Variants in UBXN4 observed in about 807,000 individuals in gnomAD.
UBXN4 encodes the protein UBX domain-containing protein 4.
In UBXN4, 35 loss-of-function variants were observed where a neutral mutation model predicts 66.2. The ratio of observed to expected loss-of-function variants is 0.53; its 90% CI spans 0.40 to 0.70. The LOEUF is 0.70. UBXN4 is among the 30% of genes least tolerant of loss of function. UBXN4 has a pLI of 0.00. For missense variants in UBXN4, 533 were observed against 599.8 expected, an observed-to-expected ratio of 0.89 and a Z score of 1.16; for synonymous variants, 203 against 204.5, an observed-to-expected ratio of 0.99 and a Z score of 0.06.
chr2:135,742,854 C>T (rs1364795657), intron 1 of UBXN4: 1 of 151,966 alleles, frequency 6.6e-6, no homozygotes, highest in Non-Finnish European at 1.5e-5. Context: ...ACGTTCAGTC[C>T]TTGGTTTCTT....
chr2:135,742,062 C>T lies in UBXN4; in HGVS notation c.82+51C>T, dbSNP rs2077177784. The T allele has an allele frequency of 3.8e-6, 6 of 1,592,564 alleles. No homozygotes were observed. The East Asian group carries it at 6.8e-5, about 18-fold the overall frequency. ...CGGCCGGGACACCCCTCCGGCCTAC[C>T]TTCATCCTCTTGTATACCTCAGCCG... On this transcript the variant is annotated intron_variant, in intron 1 of 12. Coordinates refer to ENST00000272638, the MANE Select transcript of UBXN4 (RefSeq NM_014607.4).
chr2:135,782,704 T>C (rs747641956), intron 12 of UBXN4, 45 bp from the exon 13 acceptor site: 7 of 1,596,216 alleles, frequency 4.4e-6, no homozygotes, highest in Admixed American at 1.8e-5. Flanking sequence ...TACTATTGTT[T>C]TTATTTTATG....
intron 12 of UBXN4, among the ~76,000 whole-genome samples, chr2:135,781,597 G>C (rs1021626952): frequency 1.1e-4 from 17 of 152,098 alleles, no homozygotes; most frequent in African/African-American, 3.6e-4. Context: ...GGGCTGCTTT[G>C]TCCTTTATCT....
In UBXN4 at chr2:135,753,553, A is replaced by G. The variant is rs1168696628; in HGVS notation, c.200A>G (p.Gln67Arg). Residue 67 changes from glutamine (Q) to arginine (R), a missense_variant, in exon 3 of 13, where the codon CAG (glutamine) becomes CGG (arginine). Gln to Arg is a conservative substitution (Grantham distance 43). Around this residue, in one of 2 missense-constraint regions of UBXN4, gnomAD observed 529 missense variants for 580.1 expected, o/e 0.91. Transcript: ENST00000272638. ...TTGTTTTACAGTGAAGCCTGCCTAC[A>G]GTTTTCACAAATCTGTATCCTTTCA... Reference protein sequence around the residue: ...KIDTKSEACLQFSQIYPVVCV... With the variant: ...KIDTKSEACLRFSQIYPVVCV... The G allele has an allele frequency of 6.5e-7, 1 of 1,529,504 alleles. No homozygotes were observed. Among genetic ancestry groups the G allele is most frequent in the African/African-American group, 1.4e-5 (1 of 69,510 alleles). 94.7% of individuals were successfully genotyped at this position (1,529,504 alleles called of 1,614,324 possible).
intron 8 of UBXN4, among the ~76,000 whole-genome samples, chr2:135,771,482 A>G (rs2077383193): frequency 6.6e-6 from 1 of 152,186 alleles, no homozygotes; most frequent in African/African-American, 2.4e-5. Flanking sequence ...CATCTCAAAA[A>G]AAAGAAAGAA....
chr2:135,769,125 T>A (rs2077366813), intron 6 of UBXN4, among the ~76,000 whole-genome samples: 1 of 152,078 alleles, frequency 6.6e-6, no homozygotes, highest in Non-Finnish European at 1.5e-5. Context: ...CCTTAGCCCC[T>A]AAAGTAGCTG....
intron 12 of UBXN4, among the ~76,000 whole-genome samples, chr2:135,781,107 T>C (rs1399968566): frequency 6.6e-6 from 1 of 152,184 alleles, no homozygotes; most frequent in East Asian, 1.9e-4. Context: ...TGGTCCCAGC[T>C]ACTTGGGAGG....
chr2:135,773,326 C>G (rs1385977847), intron 9 of UBXN4, among the ~76,000 whole-genome samples: 2 of 152,134 alleles, frequency 1.3e-5, no homozygotes, highest in African/African-American at 4.8e-5. Flanking sequence ...TAGCTTCATT[C>G]TTAGAGAAAC....
At chr2:135,762,141 C>G (rs1213666358) in intron 6 of UBXN4, among the ~76,000 whole-genome samples, 1 of 152,062 alleles carries the variant, frequency 6.6e-6, no homozygotes, top group African/African-American at 2.4e-5. Context: ...TCTAAGAATC[C>G]CCTTTTTAAT....
At chr2:135,755,363 A>T (rs139457568) in intron 4 of UBXN4, among the ~76,000 whole-genome samples, 154 bp from the exon 5 acceptor site, 11 of 152,292 alleles carry the variant, frequency 7.2e-5, no homozygotes, top group African/African-American at 2.6e-4. Context: ...TGATTATATC[A>T]TACTTAGGAT....
chr2:135,748,335 A>G lies in UBXN4; in HGVS notation c.151A>G (p.Asn51Asp), dbSNP rs771632258. The G allele has an allele frequency of 4.4e-6, 7 of 1,607,062 alleles. No homozygotes were observed. Among genetic ancestry groups the G allele is most frequent in the Admixed American group, 3.4e-5 (2 of 59,534 alleles). Residue 51 changes from asparagine (N) to aspartate (D), a missense_variant, in exon 2 of 13, where the codon AAC becomes GAC. This residue lies in a region of UBXN4 where 529 missense variants were observed against 580.1 expected (regional missense o/e 0.91). Coordinates refer to ENST00000272638, the MANE Select transcript of UBXN4 (RefSeq NM_014607.4). ...EDDKVTEASS[N>D]SFVAIKIDTK... is the part of the protein sequence containing the mutation. ...TGATAAAGTTACAGAAGCATCTTCA[A>G]ACAGTTTTGTTGCTATTAAAATCGA...
chr2:135,782,889 G>T lies in UBXN4; in HGVS notation c.*2G>T. Reference sequence around the variant, plus strand: ...GGAAATTCCACTCAACAGATGTAGTGTGACAAGTATAATATGTGCAATAAT... The same window carrying T: ...GGAAATTCCACTCAACAGATGTAGTTTGACAAGTATAATATGTGCAATAAT... On this transcript the variant is annotated 3_prime_UTR_variant, in exon 13 of 13. Transcript: ENST00000272638. 1 of 1,611,852 alleles carries T rather than the reference G, an allele frequency of 6.2e-7. No homozygotes were observed. The highest frequency in any genetic ancestry group is 8.5e-7 in the Non-Finnish European group (1 of 1,179,180).
intron 3 of UBXN4, 128 bp downstream of exon 3, chr2:135,753,695 T>C (rs943019888): frequency 1.2e-6 from 1 of 806,632 alleles, no homozygotes; most frequent in Non-Finnish European, 1.8e-6. Flanking sequence ...GGAAACTTTA[T>C]TACTAAGTGT....
chr2:135,742,057 C>G (rs754361817), intron 1 of UBXN4, 46 bp downstream of exon 1: 4 of 1,598,988 alleles, frequency 2.5e-6, no homozygotes, highest in Non-Finnish European at 3.4e-6. Context: ...ACCCCTCCGG[C>G]CTACCTTCAT....
At chr2:135,762,440 A>T (rs1439099347) in intron 6 of UBXN4, among the ~76,000 whole-genome samples, 2 of 152,216 alleles carry the variant, frequency 1.3e-5, no homozygotes, top group Non-Finnish European at 2.9e-5. Context: ...ATTAGTGGTT[A>T]AGCGGGAATA....
chr2:135,755,539 C>A lies in UBXN4; in HGVS notation c.356C>A (p.Thr119Lys). The A allele has an allele frequency of 6.3e-7, 1 of 1,592,224 alleles. No homozygotes were observed. Among genetic ancestry groups the A allele is most frequent in the Non-Finnish European group, 8.6e-7 (1 of 1,168,950 alleles). Residue 119 changes from threonine to lysine, a missense_variant, in exon 5 of 13, where the codon ACA becomes AAA. Coordinates refer to ENST00000272638, the MANE Select transcript of UBXN4 (RefSeq NM_014607.4). The part of the protein sequence containing the change: ...VRQMHLLKSE[T>K]SVANGSQSES... The stretch of plus-strand genomic sequence containing the variant: ...TAGATGCATTTGCTAAAAAGTGAAA[C>A]ATCAGTAGCAAATGGCAGTCAGTCA...
intron 3 of UBXN4, 112 bp from the exon 4 acceptor site, chr2:135,754,028 AATTATTTAATAAATGTTAG>A (rs2077263640): frequency 1.5e-6 from 1 of 688,122 alleles, no homozygotes; most frequent in East Asian, 2.8e-5. Flanking sequence ...CAGTACTTGA[AATTATTTAATAAATGTTAG>A]ATTATATTGT....
intron 6 of UBXN4, among the ~76,000 whole-genome samples, chr2:135,766,092 G>A (rs901283940): frequency 6.6e-6 from 1 of 151,782 alleles, no homozygotes; most frequent in African/African-American, 2.4e-5. Flanking sequence ...CGTAGAGATT[G>A]CAGTGAGCTG....
At chr2:135,743,089 C>G (rs2077187306) in intron 1 of UBXN4, among the ~76,000 whole-genome samples, 1 of 152,146 alleles carries the variant, frequency 6.6e-6, no homozygotes, top group African/African-American at 2.4e-5. Context: ...ATTTCTTCAA[C>G]TATTTGTGTT....
Sources: gnomAD v4.1 joint callset for allele counts (sites outside exome capture counted in the v4.1 genomes callset) on GRCh38, gnomAD v4.1.1 for gene constraint, gnomAD v4.1.1 regional missense constraint, MANE v1.5 for transcripts, NCBI Gene and HGNC (gene_info 2026-07-23, HGNC 2026-07-21) for gene names.